Variants in CNTNAP2 observed in about 807,000 individuals in gnomAD.
CNTNAP2 encodes contactin associated protein 2.
Under a neutral mutation model 155.2 loss-of-function variants are expected in CNTNAP2, and 98 were observed. That is an observed-to-expected ratio of 0.63 (90% CI 0.54 to 0.75). CNTNAP2 has a LOEUF of 0.75. Among genes scored for constraint, CNTNAP2 ranks in the 30% least tolerant of loss-of-function variants. The pLI is 0.00. For missense variants in CNTNAP2, 1,727 were observed against 1,688.1 expected (o/e 1.02, Z -0.40); for synonymous variants, 651 against 631.2 (o/e 1.03, Z -0.47).
chr7:146,269,009 T>C (rs1431797382), intron 1 of CNTNAP2, among the ~76,000 whole-genome samples: 2 of 152,122 alleles, frequency 1.3e-5, no homozygotes, highest in East Asian at 1.9e-4. Context: ...CTAACAGAGA[T>C]TCTTCATAGC....
intron 9 of CNTNAP2, among the ~76,000 whole-genome samples, chr7:147,352,116 A>T (rs1174089664): frequency 6.6e-6 from 1 of 151,994 alleles, no homozygotes; most frequent in Non-Finnish European, 1.5e-5. Flanking sequence ...TCATCCTCAG[A>T]TTCCTTAGCT....
At chr7:146,381,816 A>G (rs1314825017) in intron 1 of CNTNAP2, among the ~76,000 whole-genome samples, 1 of 152,138 alleles carries the variant, frequency 6.6e-6, no homozygotes, top group Non-Finnish European at 1.5e-5. Flanking sequence ...AAACACAAAT[A>G]CAATCGTATT....
At chr7:146,557,043 C>T (rs961828415) in intron 1 of CNTNAP2, among the ~76,000 whole-genome samples, 7 of 151,916 alleles carry the variant, frequency 4.6e-5, no homozygotes, top group African/African-American at 1.5e-4. Context: ...ACCTTACAAC[C>T]GACAAAACAG....
chr7:146,482,206 G>GA (rs749887909), intron 1 of CNTNAP2, among the ~76,000 whole-genome samples: 33,479 of 82,440 alleles, frequency 0.41, 6,274 homozygotes, highest in Admixed American at 0.49. Flanking sequence ...CTAAGAATTA[G>GA]AAAAAAAAAA....
At chr7:146,388,923 CAGA>C (rs1172127194) in intron 1 of CNTNAP2, among the ~76,000 whole-genome samples, 5 of 151,998 alleles carry the variant, frequency 3.3e-5, no homozygotes, top group East Asian at 1.9e-4. Context: ...AATCTGTTGT[CAGA>C]AGAAGATGCA....
chr7:146,638,088 C>CA (rs2129160375), intron 1 of CNTNAP2, among the ~76,000 whole-genome samples: 1 of 152,298 alleles, frequency 6.6e-6, no homozygotes, highest in East Asian at 1.9e-4. Context: ...AGTGATAAAT[C>CA]AAACCTGTTG....
At chr7:147,170,472 G>T (rs189680931) in intron 8 of CNTNAP2, among the ~76,000 whole-genome samples, 282 of 152,226 alleles carry the variant, frequency 1.9e-3, no homozygotes, top group African/African-American at 6.5e-3. Context: ...CTTCCCTGGG[G>T]CAGGTGTTGG....
chr7:148,045,209 C>T lies in CNTNAP2; in HGVS notation c.2383+67220C>T, dbSNP rs1000538293. On this transcript the variant is annotated intron_variant, in intron 15 of 23. Transcript: ENST00000361727. ...CAGGAAAGGGGAGCTGTCCTGGACACGCAGGCTCCACCAGTGTGGGGAGCA... is the reference window on the plus strand; with the variant it reads ...CAGGAAAGGGGAGCTGTCCTGGACATGCAGGCTCCACCAGTGTGGGGAGCA... Among the ~76,000 whole-genome samples, 6 of 152,222 alleles carry T rather than the reference C, an allele frequency of 3.9e-5. No homozygotes were observed. The South Asian group carries it at 6.2e-4, about 16-fold the overall frequency.
At chr7:146,502,522 C>A (rs973013300) in intron 1 of CNTNAP2, among the ~76,000 whole-genome samples, 1 of 151,884 alleles carries the variant, frequency 6.6e-6, no homozygotes, top group African/African-American at 2.4e-5. Context: ...TCAAGTGTTG[C>A]CCTTCTCTTC....
chr7:146,672,406 G>A (rs1800326176), intron 1 of CNTNAP2, among the ~76,000 whole-genome samples: 2 of 152,070 alleles, frequency 1.3e-5, no homozygotes, highest in Admixed American at 1.3e-4. Flanking sequence ...GGTGAGAACG[G>A]GAGCTTTAAA....
chr7:146,810,299 C>CTTT (rs58947235), intron 2 of CNTNAP2, among the ~76,000 whole-genome samples: 1 of 93,540 alleles, frequency 1.1e-5, no homozygotes, highest in East Asian at 3.3e-4. Context: ...CTCTAGCTTT[C>CTTT]TTTTTTTTTT....
chr7:147,850,995 A>C (rs948514842), intron 13 of CNTNAP2, among the ~76,000 whole-genome samples: 3 of 152,204 alleles, frequency 2.0e-5, no homozygotes, highest in Non-Finnish European at 4.4e-5. Flanking sequence ...AACCTACAGA[A>C]TGGGAAAAAA....
intron 10 of CNTNAP2, among the ~76,000 whole-genome samples, chr7:147,434,710 T>A (rs1355032169): frequency 6.6e-6 from 1 of 152,170 alleles, no homozygotes. Flanking sequence ...GTAAGTTAAG[T>A]GGTTTCTTTA....
chr7:146,728,517 C>T (rs1053138272), intron 1 of CNTNAP2, among the ~76,000 whole-genome samples: 4 of 151,102 alleles, frequency 2.6e-5, no homozygotes, highest in African/African-American at 7.3e-5. Context: ...AATTGGCTTG[C>T]TTGTGGTAAT....
At chr7:148,244,084 A>G (rs1796210042) in intron 20 of CNTNAP2, among the ~76,000 whole-genome samples, 1 of 152,220 alleles carries the variant, frequency 6.6e-6, no homozygotes, top group Admixed American at 6.5e-5. Context: ...GTCATCACTA[A>G]TCTCCCCAGA....
At chr7:146,704,653 A>T (rs1214311085) in intron 1 of CNTNAP2, among the ~76,000 whole-genome samples, 1 of 152,140 alleles carries the variant, frequency 6.6e-6, no homozygotes, top group East Asian at 1.9e-4. Flanking sequence ...GCCTAATGTG[A>T]GGTCAATTGG....
At chr7:146,378,170 G>A (rs543482687) in intron 1 of CNTNAP2, among the ~76,000 whole-genome samples, 1 of 152,140 alleles carries the variant, frequency 6.6e-6, no homozygotes, top group East Asian at 1.9e-4. Flanking sequence ...GGGCAATACA[G>A]GAAATAATAA....
intron 15 of CNTNAP2, among the ~76,000 whole-genome samples, chr7:148,094,342 A>G (rs1235531773): frequency 6.6e-6 from 1 of 152,246 alleles, no homozygotes; most frequent in Non-Finnish European, 1.5e-5. Flanking sequence ...GTAATATTTT[A>G]TCATCATTTT....
chr7:147,735,562 A>C (rs571993514), intron 13 of CNTNAP2, among the ~76,000 whole-genome samples: 199 of 150,930 alleles, frequency 1.3e-3, no homozygotes, highest in South Asian at 1.7e-3. Flanking sequence ...GCCGAGTTCA[A>C]TTCCTGGATA....
Sources: gnomAD v4.1 joint callset for allele counts (sites outside exome capture counted in the v4.1 genomes callset) on GRCh38, gnomAD v4.1.1 for gene constraint, MANE v1.5 for transcripts, NCBI Gene and HGNC (gene_info 2026-07-23, HGNC 2026-07-21) for gene names.